The following LUZP2 variants were observed in gnomAD, a reference collection of about 807,000 sequenced individuals.
The protein encoded by LUZP2 is leucine zipper protein 2.
LUZP2 carries 52 observed loss-of-function variants against 51.6 expected under a neutral mutation model. The observed-to-expected ratio is 1.01, with a 90% confidence interval of 0.81 to 1.27. The LOEUF (loss-of-function observed/expected upper bound fraction) is 1.27. Ranked by LOEUF, LUZP2 falls within the 50% of genes most tolerant of loss-of-function variation. The probability of loss-of-function intolerance (pLI) is 0.00; values close to 1 mark genes in which losing one functional copy is unlikely to be tolerated. For synonymous variants in LUZP2, 154 were observed against 137.3 expected (o/e 1.12, Z -0.85); for missense variants, 436 against 395.4 (o/e 1.10, Z -0.87).
chr11:24,504,035 CAG>C (rs1371712825), intron 1 of LUZP2, among the ~76,000 whole-genome samples: 1 of 152,102 alleles, frequency 6.6e-6, no homozygotes, highest in Non-Finnish European at 1.5e-5. Flanking sequence ...AAACTCAAAG[CAG>C]AGTCATTAAT....
intron 5 of LUZP2, chr11:24,785,864 C>A: frequency 1.0e-6 from 1 of 985,298 alleles, no homozygotes; most frequent in South Asian, 4.7e-5. Context: ...GGAAATTGCT[C>A]TGTTTCTCCC....
intron 1 of LUZP2, among the ~76,000 whole-genome samples, chr11:24,710,356 A>G (rs930729906): frequency 1.3e-5 from 2 of 152,140 alleles, no homozygotes; most frequent in Non-Finnish European, 2.9e-5. Flanking sequence ...ACCACTCAGC[A>G]TAAAAGGCTT....
chr11:24,632,686 C>T (rs919710424), intron 1 of LUZP2, among the ~76,000 whole-genome samples: 6 of 152,112 alleles, frequency 3.9e-5, no homozygotes, highest in Middle Eastern at 3.4e-3. Flanking sequence ...TCAAGTCCTC[C>T]CTAGCCTATG....
intron 5 of LUZP2, among the ~76,000 whole-genome samples, chr11:24,785,107 T>C (rs1849205705): frequency 6.6e-6 from 1 of 152,036 alleles, no homozygotes; most frequent in Admixed American, 6.6e-5. Flanking sequence ...CATTCCTCTT[T>C]GGAAGATATC....
Position 24,738,282 on chromosome 11 carries a change from G to A in LUZP2, c.313G>A (p.Ala105Thr). Reference protein sequence around the residue: ...QNQLKETSEKAEKHQATINFL... With the variant: ...QNQLKETSEKTEKHQATINFL... ...TCAGCTTAAGGAGACATCAGAGAAA[G>A]CAGAAAAACACCAGGCTACTGTAAG... The change falls in exon 4 of 12, where the codon GCA becomes ACA. Residue 105 changes from alanine (A) to threonine (T), a missense_variant. Physicochemically the swap from Ala to Thr is moderately conservative, Grantham distance 58. Coordinates refer to ENST00000336930, the MANE Select transcript of LUZP2 (RefSeq NM_001009909.4). The A allele has an allele frequency of 6.2e-7, 1 of 1,612,300 alleles. No individual in the cohort carries two copies. Among genetic ancestry groups the A allele is most frequent in the Non-Finnish European group, 8.5e-7 (1 of 1,178,840 alleles).
chr11:24,897,052 A>G (rs2133770306), intron 5 of LUZP2, among the ~76,000 whole-genome samples: 1 of 152,286 alleles, frequency 6.6e-6, no homozygotes, highest in Middle Eastern at 3.4e-3. Flanking sequence ...CAAGATTTGT[A>G]AACACACCAA....
At chr11:24,719,463 C>A (rs1173776591) in intron 1 of LUZP2, among the ~76,000 whole-genome samples, 2 of 152,086 alleles carry the variant, frequency 1.3e-5, no homozygotes, top group Non-Finnish European at 2.9e-5. Flanking sequence ...AAAAAATTGA[C>A]AAAATTCAAA....
intron 1 of LUZP2, among the ~76,000 whole-genome samples, chr11:24,576,571 A>AT (rs1314847404): frequency 8.0e-6 from 1 of 125,640 alleles, no homozygotes; most frequent in South Asian, 2.4e-4. Flanking sequence ...CAAATTTGAG[A>AT]TTTTCTAAAG....
chr11:24,957,269 T>A (rs953111664), intron 7 of LUZP2, among the ~76,000 whole-genome samples: 1 of 152,168 alleles, frequency 6.6e-6, no homozygotes, highest in Non-Finnish European at 1.5e-5. Context: ...ATGTATGAGA[T>A]ACAAAGTCAT....
intron 4 of LUZP2, among the ~76,000 whole-genome samples, chr11:24,747,795 T>C (rs1859435122): frequency 6.6e-6 from 1 of 152,064 alleles, no homozygotes; most frequent in Admixed American, 6.5e-5. Context: ...AGGAGGATTA[T>C]GGCTACCTCT....
At chr11:24,552,334 C>T (rs1352756694) in intron 1 of LUZP2, among the ~76,000 whole-genome samples, 1 of 151,870 alleles carries the variant, frequency 6.6e-6, no homozygotes, top group Non-Finnish European at 1.5e-5. Flanking sequence ...AAAATTCTCA[C>T]AAAATTAAGA....
chr11:24,968,451 C>T (rs139619497), intron 7 of LUZP2, among the ~76,000 whole-genome samples: 4 of 152,138 alleles, frequency 2.6e-5, no homozygotes, highest in African/African-American at 9.7e-5. Context: ...AGCTATTAAT[C>T]TAAAGACTGC....
chr11:24,930,193 A>G (rs1000102917), intron 7 of LUZP2, among the ~76,000 whole-genome samples: 9 of 152,132 alleles, frequency 5.9e-5, no homozygotes, highest in African/African-American at 1.2e-4. Flanking sequence ...CTGCCATTCT[A>G]TGCCTTTTAA....
At chr11:24,732,508 A>G (rs1858750271) in intron 3 of LUZP2, among the ~76,000 whole-genome samples, 1 of 151,684 alleles carries the variant, frequency 6.6e-6, no homozygotes, top group South Asian at 2.1e-4. Flanking sequence ...TCTGACCATC[A>G]ATAGACAGAT....
At chr11:24,502,482 T>G (rs1850025997) in intron 1 of LUZP2, among the ~76,000 whole-genome samples, 1 of 152,090 alleles carries the variant, frequency 6.6e-6, no homozygotes, top group African/African-American at 2.4e-5. Context: ...CCTCCTGGGT[T>G]TAAGCAATTC....
rs536298459 is a variant in LUZP2 at position 25,047,491 on chromosome 11, C to T, written c.766-2547C>T. ...AGGAGTTGCGAGTGCTTTAAACTCT[C>T]GATTAGGAATATAAAATTGCCCTTC... On this transcript the variant is annotated intron_variant, in intron 9 of 11. Transcript: ENST00000336930. Among the ~76,000 whole-genome samples, 12 of 151,090 alleles carry T rather than the reference C, an allele frequency of 7.9e-5. No homozygotes were observed. In the South Asian group the frequency reaches 2.1e-3, roughly 26 times the overall value.
At chr11:24,575,741 A>G (rs1852623057) in intron 1 of LUZP2, among the ~76,000 whole-genome samples, 2 of 152,152 alleles carry the variant, frequency 1.3e-5, no homozygotes, top group Admixed American at 6.6e-5. Flanking sequence ...TGCATTCCAG[A>G]TCAGGTTTCT....
chr11:24,739,571 A>C (rs1228552355), intron 4 of LUZP2, among the ~76,000 whole-genome samples: 1 of 152,092 alleles, frequency 6.6e-6, no homozygotes, highest in Non-Finnish European at 1.5e-5. Flanking sequence ...TTAAAGCATC[A>C]GATTTACAGA....
chr11:24,944,880 A>G (rs765924530), intron 7 of LUZP2, among the ~76,000 whole-genome samples: 1 of 152,148 alleles, frequency 6.6e-6, no homozygotes, highest in Non-Finnish European at 1.5e-5. Context: ...AAACTGTGCT[A>G]TTTTTTAAAA....
Sources: allele counts gnomAD v4.1 joint callset (sites outside exome capture counted in the v4.1 genomes callset), GRCh38; gene constraint gnomAD v4.1.1; transcripts MANE v1.5; gene names NCBI Gene and HGNC (gene_info 2026-07-23, HGNC 2026-07-21).